Variants in TMEM74 observed in about 807,000 individuals in gnomAD.
The protein encoded by TMEM74 is transmembrane protein 74.
TMEM74 carries 13 observed loss-of-function variants against 18.1 expected under a neutral mutation model. The observed-to-expected ratio is 0.72, with a 90% CI of 0.47 to 1.14. The LOEUF is 1.14. TMEM74 is among the 50% of genes most tolerant of loss of function. The probability of loss-of-function intolerance (pLI) is 0.00; values close to 1 mark genes in which losing one functional copy is unlikely to be tolerated. For missense variants in TMEM74, 372 were observed against 375.9 expected, an observed-to-expected ratio of 0.99 and a Z score of 0.09; for synonymous variants, 159 against 146.6, an observed-to-expected ratio of 1.08 and a Z score of -0.61.
chr8:108,657,434 G>A (rs985524846), intron 1 of TMEM74, among the ~76,000 whole-genome samples: 1 of 152,194 alleles, frequency 6.6e-6, no homozygotes, highest in East Asian at 1.9e-4. Context: ...TTAGTGCTAT[G>A]TTTGGGTTCC....
Position 108,767,568 on chromosome 8 carries a change from C to T in TMEM74, n.119+19908G>A, listed in dbSNP as rs145973001. ...TATACAGATCTGTGTGACAAATTCT[C>T]CATAGAATTTTGTGTCAAGAAGTGT... On this transcript the variant is annotated intron_variant and non_coding_transcript_variant, in intron 1 of 3. Coordinates refer to the TMEM74 transcript ENST00000518838. Among the ~76,000 whole-genome samples, 185 of 152,214 alleles carry T rather than the reference C, an allele frequency of 1.2e-3. 1 individual carries two copies. The highest frequency in any genetic ancestry group is 4.2e-3 in the African/African-American group (175 of 41,540).
At chr8:108,727,282 A>C (rs1034182024) in intron 1 of TMEM74, among the ~76,000 whole-genome samples, 1 of 152,156 alleles carries the variant, frequency 6.6e-6, no homozygotes, top group Non-Finnish European at 1.5e-5. Flanking sequence ...GTGGAGAACA[A>C]ACTATATAAT....
intron 1 of TMEM74, among the ~76,000 whole-genome samples, chr8:108,677,632 C>T (rs528355910): frequency 6.6e-6 from 1 of 151,168 alleles, no homozygotes; most frequent in Non-Finnish European, 1.5e-5. Context: ...TGACTGTTTT[C>T]CAGAAATGCC....
chr8:108,677,712 C>A (rs1346617188), intron 1 of TMEM74, among the ~76,000 whole-genome samples: 1 of 152,080 alleles, frequency 6.6e-6, no homozygotes, highest in Non-Finnish European at 1.5e-5. Context: ...GACAGTTATT[C>A]TGACTGTGTT....
intron 2 of TMEM74, among the ~76,000 whole-genome samples, chr8:108,648,747 A>T (rs1009535970): frequency 2.6e-5 from 4 of 152,134 alleles, no homozygotes; most frequent in African/African-American, 9.7e-5. Context: ...GCAAGGAAGT[A>T]GATTCCCCTC....
In TMEM74 at chr8:108,782,699, CT is replaced by C. The variant is rs1814322822; in HGVS notation, c.*1481del. Among the ~76,000 whole-genome samples, 1 of 152,224 alleles carries C rather than the reference CT, an allele frequency of 6.6e-6. No homozygotes were observed. The highest frequency in any genetic ancestry group is 1.5e-5 in the Non-Finnish European group (1 of 68,048). Reference sequence around the variant, plus strand: ...AATCTGCAAAGAAATCACTTTCTTACTTCCTCATTCCTGCTGTCTCATACCA... The same window carrying C: ...AATCTGCAAAGAAATCACTTTCTTACTCCTCATTCCTGCTGTCTCATACCA... On this transcript the variant is annotated 3_prime_UTR_variant, in exon 2 of 2. Transcript: ENST00000297459.
intron 1 of TMEM74, among the ~76,000 whole-genome samples, chr8:108,754,921 C>T (rs1235785207): frequency 6.6e-6 from 1 of 151,892 alleles, no homozygotes; most frequent in African/African-American, 2.4e-5. Context: ...CTTTCCTCTG[C>T]CTTTTTGTTC....
At chr8:108,620,967 GC>G (rs1454258008) in intron 2 of TMEM74, among the ~76,000 whole-genome samples, 3 of 152,162 alleles carry the variant, frequency 2.0e-5, no homozygotes, top group Non-Finnish European at 2.9e-5. Flanking sequence ...CTTTTCTCAT[GC>G]CACTCCTGCT....
At chr8:108,664,859 G>A (rs1461397952) in intron 1 of TMEM74, among the ~76,000 whole-genome samples, 7 of 152,134 alleles carry the variant, frequency 4.6e-5, no homozygotes, top group East Asian at 1.9e-4. Context: ...TTGTGTCTCC[G>A]CTATTTTGAC....
chr8:108,636,748 C>T (rs548481829), intron 2 of TMEM74, among the ~76,000 whole-genome samples: 31 of 150,598 alleles, frequency 2.1e-4, no homozygotes, highest in African/African-American at 7.0e-4. Context: ...TCAGGAATCA[C>T]GCCTTATATA....
chr8:108,631,325 G>C (rs1426603057), intron 2 of TMEM74, among the ~76,000 whole-genome samples: 1 of 151,936 alleles, frequency 6.6e-6, no homozygotes, highest in East Asian at 1.9e-4. Flanking sequence ...CTCCAAGCCC[G>C]AAAGGGTATT....
chr8:108,635,105 C>T (rs1330191432), intron 2 of TMEM74, among the ~76,000 whole-genome samples: 1 of 151,946 alleles, frequency 6.6e-6, no homozygotes, highest in East Asian at 1.9e-4. Context: ...GCCTTCCCTA[C>T]TCAAGTGGCC....
intron 2 of TMEM74, among the ~76,000 whole-genome samples, chr8:108,648,302 T>A (rs1344140935): frequency 6.6e-6 from 1 of 152,114 alleles, no homozygotes; most frequent in Non-Finnish European, 1.5e-5. Context: ...GAGACCACTA[T>A]GTTTTTATGA....
intron 1 of TMEM74, among the ~76,000 whole-genome samples, chr8:108,656,464 A>G (rs1812822672): frequency 1.3e-5 from 2 of 152,154 alleles, no homozygotes; most frequent in Admixed American, 1.3e-4. Context: ...GTCCATTCGA[A>G]CTTCAATATC....
chr8:108,608,779 A>T (rs186550946), exon 3 of TMEM74: 1 of 152,288 alleles, frequency 6.6e-6, no homozygotes, highest in East Asian at 1.9e-4. Context: ...GTAGATAAAG[A>T]ATCTTTTCCA....
At chr8:108,666,145 A>G (rs1207255931) in intron 1 of TMEM74, among the ~76,000 whole-genome samples, 5 of 152,032 alleles carry the variant, frequency 3.3e-5, no homozygotes, top group Non-Finnish European at 7.4e-5. Flanking sequence ...ATGAATCCAA[A>G]CTCTCCAATT....
chr8:108,742,600 T>C (rs531799539), intron 1 of TMEM74, among the ~76,000 whole-genome samples: 2 of 152,366 alleles, frequency 1.3e-5, no homozygotes, highest in East Asian at 3.9e-4. Flanking sequence ...ATCCTATTTA[T>C]ACTATTCTTT....
intron 1 of TMEM74, among the ~76,000 whole-genome samples, chr8:108,745,594 T>G (rs564159487): frequency 9.9e-4 from 150 of 152,234 alleles, no homozygotes; most frequent in African/African-American, 3.5e-3. Flanking sequence ...CGTACATATA[T>G]GTAAGTAGTT....
At chr8:108,756,599 A>AAAGAGAAAGGAAGG (rs1586286218) in intron 1 of TMEM74, among the ~76,000 whole-genome samples, 4 of 51,546 alleles carry the variant, frequency 7.8e-5, no homozygotes, top group Non-Finnish European at 1.1e-4. Flanking sequence ...AAAGAAAGAG[A>AAAGAGAAAGGAAGG]AAGGAAGGAA....
Sources: allele counts gnomAD v4.1 joint callset (sites outside exome capture counted in the v4.1 genomes callset), GRCh38; gene constraint gnomAD v4.1.1; transcripts MANE v1.5; gene names NCBI Gene and HGNC (gene_info 2026-07-23, HGNC 2026-07-21).